Variants in GTF2IRD1 observed in about 807,000 individuals in gnomAD.
The protein encoded by GTF2IRD1 is general transcription factor II-I repeat domain-containing protein 1.
A neutral mutation model predicts 113.2 loss-of-function variants in GTF2IRD1; 26 were observed. That is an observed-to-expected ratio of 0.23 (90% confidence interval 0.17 to 0.32). The LOEUF is 0.32. Among genes scored for constraint, GTF2IRD1 ranks in the 10% least tolerant of loss-of-function variants. The pLI is 1.00. For synonymous variants in GTF2IRD1, 484 were observed against 529.1 expected (o/e 0.91, Z 1.17); for missense variants, 864 against 1,280.8 (o/e 0.67, Z 4.97).
intron 16 of GTF2IRD1, 52 bp downstream of exon 16, chr7:74,545,861 G>A (rs781871080): frequency 2.1e-5 from 29 of 1,365,018 alleles, no homozygotes; most frequent in Admixed American, 5.0e-5. Flanking sequence ...CCCTCCAGCC[G>A]CCCTGTTTGC....
chr7:74,568,631 G>C (rs1800490974), intron 22 of GTF2IRD1, among the ~76,000 whole-genome samples: 2 of 152,114 alleles, frequency 1.3e-5, no homozygotes, highest in African/African-American at 4.8e-5. Flanking sequence ...CTGTGCGACA[G>C]AGCGAGACTC....
At chr7:74,602,211 C>T (rs936984171) in intron 26 of GTF2IRD1, 154 bp from the exon 27 acceptor site, 20 of 864,448 alleles carry the variant, frequency 2.3e-5, no homozygotes, top group African/African-American at 1.9e-4. Context: ...CACTGCACTC[C>T]AGCCTGGGCA....
chr7:74,528,707 G>GGA (rs1797745049), intron 8 of GTF2IRD1, among the ~76,000 whole-genome samples: 2 of 106,848 alleles, frequency 1.9e-5, no homozygotes, highest in Non-Finnish European at 3.6e-5. Flanking sequence ...GGAAAGATGG[G>GGA]TGGATGGATG....
At chr7:74,575,561 C>T (rs782367083) in intron 22 of GTF2IRD1, among the ~76,000 whole-genome samples, 33 of 152,200 alleles carry the variant, frequency 2.2e-4, no homozygotes, top group Non-Finnish European at 4.1e-4. Context: ...ATCCAGGCGA[C>T]GCCTGTGGCG....
intron 22 of GTF2IRD1, among the ~76,000 whole-genome samples, chr7:74,568,647 C>CA (rs1463758724): frequency 5.4e-5 from 8 of 149,444 alleles, no homozygotes; most frequent in African/African-American, 9.9e-5. Flanking sequence ...GACTCTGTCT[C>CA]AAAAAAGAAG....
intron 4 of GTF2IRD1, among the ~76,000 whole-genome samples, chr7:74,517,005 TTGTTGTTG>T (rs1562825160): frequency 0.011 from 1,546 of 140,354 alleles, 32 homozygotes; most frequent in African/African-American, 0.038. Flanking sequence ...CCTGTCTTTG[TTGTTGTTG>T]TTGTTGTTGT....
chr7:74,477,719 G>T (rs1356208201), intron 1 of GTF2IRD1, among the ~76,000 whole-genome samples: 3 of 151,772 alleles, frequency 2.0e-5, no homozygotes, highest in African/African-American at 7.3e-5. Context: ...TGGCTCAGTG[G>T]TTGCAGGGGC....
chr7:74,487,787 TTATACA>T (rs1795112813), intron 1 of GTF2IRD1, among the ~76,000 whole-genome samples: 1 of 152,228 alleles, frequency 6.6e-6, no homozygotes, highest in Non-Finnish European at 1.5e-5. Flanking sequence ...ACAAAACAAC[TTATACA>T]TAATGCATTT....
At chr7:74,588,011 G>A (rs1422075072) in intron 22 of GTF2IRD1, among the ~76,000 whole-genome samples, 1 of 151,986 alleles carries the variant, frequency 6.6e-6, no homozygotes, top group Non-Finnish European at 1.5e-5. Context: ...CCCTGTGCAT[G>A]GACCCCACTA....
At chr7:74,457,883 T>TG (rs1289194890) in intron 1 of GTF2IRD1, among the ~76,000 whole-genome samples, 1 of 148,948 alleles carries the variant, frequency 6.7e-6, no homozygotes, top group Admixed American at 6.6e-5. Context: ...TTTTGTTTTT[T>TG]TTTTTTTTTT....
At position 74,521,261 on chromosome 7, in the gene GTF2IRD1, A is replaced by G; in HGVS notation, c.970A>G (p.Lys324Glu). 2 of 1,612,032 alleles carry G rather than the reference A, an allele frequency of 1.2e-6. No individual in the cohort carries two copies. Among genetic ancestry groups the G allele is most frequent in the Non-Finnish European group, 1.7e-6 (2 of 1,178,386 alleles). ...GPLIQNVHASKRILFSIVHDK... is the reference protein window; with the variant it reads ...GPLIQNVHASERILFSIVHDK... Reference sequence around the variant, plus strand: ...TCTCATCCAGAACGTCCATGCCTCCAAGCGCATTCTCTTCTCCATCGTCCA... The same window carrying G: ...TCTCATCCAGAACGTCCATGCCTCCGAGCGCATTCTCTTCTCCATCGTCCA... Residue 324 changes from lysine to glutamate, a missense_variant, in exon 7 of 27, where the codon AAG becomes GAG. Transcript: ENST00000424337.
chr7:74,514,104 C>T (rs1012519388), intron 3 of GTF2IRD1, among the ~76,000 whole-genome samples: 41 of 152,218 alleles, frequency 2.7e-4, no homozygotes, highest in African/African-American at 8.2e-4. Flanking sequence ...AAGGGGAGGA[C>T]GGGTGGGTCT....
In GTF2IRD1 at chr7:74,548,413, C is replaced by T. The variant is rs1799089229; in HGVS notation, c.1916+1127C>T. On this transcript the variant is annotated intron_variant, in intron 17 of 26. Coordinates refer to ENST00000424337, the MANE Select transcript of GTF2IRD1 (RefSeq NM_005685.4). ...CTCCAGTCTGGGCAACAGAGCGAGA[C>T]TTCGTCTCAAAAAAAAAAAAAAGTC... 4.0e-5 allele frequency among the ~76,000 whole-genome samples: 6 copies of T among 148,520 alleles called. No homozygotes were observed. The South Asian group carries it at 1.3e-3, about 32-fold the overall frequency.
In GTF2IRD1 at chr7:74,593,332, T is replaced by C. The variant is rs1189182492; in HGVS notation, c.2592-1682T>C. Among the ~76,000 whole-genome samples, 3 of 147,716 alleles carry C rather than the reference T, an allele frequency of 2.0e-5. No individual in the cohort carries two copies. The South Asian group carries it at 6.5e-4, about 32-fold the overall frequency. On this transcript the variant is annotated intron_variant, in intron 24 of 26. Transcript: ENST00000424337. ...GGCTCACGCCTGTAATCCCAGCACT[T>C]TGGGAGGCCGAGGTGGGTGAATCAC...
At chr7:74,524,854 A>G (rs1338750659) in intron 8 of GTF2IRD1, among the ~76,000 whole-genome samples, 2 of 152,100 alleles carry the variant, frequency 1.3e-5, no homozygotes, top group Non-Finnish European at 2.9e-5. Context: ...ACACAGTGAG[A>G]CTCTGTCTCA....
At chr7:74,465,719 G>A (rs186642369) in intron 1 of GTF2IRD1, among the ~76,000 whole-genome samples, 7 of 152,210 alleles carry the variant, frequency 4.6e-5, no homozygotes, top group African/African-American at 1.4e-4. Flanking sequence ...GCCTGTCTGG[G>A]ACACACCCCC....
chr7:74,549,225 C>A (rs1462625475), intron 17 of GTF2IRD1, among the ~76,000 whole-genome samples: 2 of 151,248 alleles, frequency 1.3e-5, no homozygotes, highest in Admixed American at 1.3e-4. Flanking sequence ...ATCACTTGAA[C>A]CCGGGAGGCG....
At chr7:74,496,682 G>A (rs1554338162) in intron 1 of GTF2IRD1, among the ~76,000 whole-genome samples, 1 of 151,986 alleles carries the variant, frequency 6.6e-6, no homozygotes, top group Non-Finnish European at 1.5e-5. Context: ...GCATGTGTGT[G>A]TTGACTTGCT....
At position 74,547,099 on chromosome 7, in the gene GTF2IRD1, G is replaced by C. The variant is rs367953301; in HGVS notation, c.1733-4G>C. On this transcript the variant is annotated splice_region_variant and splice_polypyrimidine_tract_variant and intron_variant, in intron 16 of 26. Transcript: ENST00000424337. ...GTGGCCCTACAGCAGCCATGTCTCTGCAGCCAAGGCCATTGGCATCTCGGA... is the reference window on the plus strand; with the variant it reads ...GTGGCCCTACAGCAGCCATGTCTCTCCAGCCAAGGCCATTGGCATCTCGGA... 3.1e-5 allele frequency: 50 copies of C among 1,610,134 alleles called. No individual in the cohort carries two copies. Among genetic ancestry groups the C allele is most frequent in the South Asian group, 2.1e-4 (19 of 90,968 alleles).
Sources: gnomAD v4.1 joint callset for allele counts (sites outside exome capture counted in the v4.1 genomes callset) on GRCh38, gnomAD v4.1.1 for gene constraint, MANE v1.5 for transcripts, NCBI Gene and HGNC (gene_info 2026-07-23, HGNC 2026-07-21) for gene names.